The following TYR variants were observed in gnomAD, a reference collection of about 807,000 sequenced individuals.
The protein encoded by TYR is tyrosinase.
TYR carries 58 observed loss-of-function variants against 51.5 expected under a neutral mutation model. That is an observed-to-expected ratio of 1.13 (90% CI 0.91 to 1.40). The LOEUF (loss-of-function observed/expected upper bound fraction) is 1.40, where lower values mean the gene tolerates loss of function less well. Among genes scored for constraint, TYR ranks in the 40% most tolerant of loss-of-function variants. TYR has a pLI of 0.00. For synonymous variants in TYR, 263 were observed against 235.2 expected, an observed-to-expected ratio of 1.12 and a Z score of -1.08; for missense variants, 732 against 647.4, an observed-to-expected ratio of 1.13 and a Z score of -1.42.
At chr11:89,275,060 G>C (rs1008432022) in intron 3 of TYR, among the ~76,000 whole-genome samples, 2 of 151,758 alleles carry the variant, frequency 1.3e-5, no homozygotes, top group African/African-American at 4.8e-5. Flanking sequence ...ACCCTACTAA[G>C]CCAGTGATGG....
At chr11:89,220,877 A>G (rs1230344984) in intron 2 of TYR, among the ~76,000 whole-genome samples, 1 of 152,244 alleles carries the variant, frequency 6.6e-6, no homozygotes, top group East Asian at 1.9e-4. Context: ...TAGAAGGTGT[A>G]GTAATAGCAG....
chr11:89,293,593 A>G (rs1322246157), intron 4 of TYR, among the ~76,000 whole-genome samples: 1 of 152,178 alleles, frequency 6.6e-6, no homozygotes, highest in East Asian at 1.9e-4. Flanking sequence ...TTGATGAAAA[A>G]AAAACACACA....
intron 2 of TYR, among the ~76,000 whole-genome samples, chr11:89,210,386 TAAA>T (rs1943737599): frequency 2.3e-5 from 1 of 43,078 alleles, no homozygotes; most frequent in South Asian, 4.1e-4. Flanking sequence ...ATTAATGAAA[TAAA>T]GTAAGAAATA....
intron 2 of TYR, among the ~76,000 whole-genome samples, chr11:89,211,683 A>G (rs563030388): frequency 2.0e-5 from 3 of 152,304 alleles, no homozygotes; most frequent in South Asian, 4.1e-4. Context: ...TGTAAAATTG[A>G]CCACATAATT....
chr11:89,187,095 T>A (rs111774241), intron 1 of TYR, among the ~76,000 whole-genome samples: 1 of 152,096 alleles, frequency 6.6e-6, no homozygotes, highest in Non-Finnish European at 1.5e-5. Flanking sequence ...CTCAAACAAG[T>A]CTTAGCATGG....
intron 3 of TYR, among the ~76,000 whole-genome samples, chr11:89,252,534 A>G (rs1944342379): frequency 6.6e-6 from 1 of 151,854 alleles, no homozygotes; most frequent in Non-Finnish European, 1.5e-5. Flanking sequence ...AATCCACTAC[A>G]AGTCAAAGGA....
At chr11:89,255,061 A>C (rs1224911663) in intron 3 of TYR, among the ~76,000 whole-genome samples, 1 of 151,764 alleles carries the variant, frequency 6.6e-6, no homozygotes, top group East Asian at 1.9e-4. Context: ...TCTTCATTTC[A>C]TTGTTGATAC....
chr11:89,283,203 A>G (rs1236998875), intron 3 of TYR, among the ~76,000 whole-genome samples: 1 of 151,802 alleles, frequency 6.6e-6, no homozygotes, highest in African/African-American at 2.4e-5. Context: ...TTATCAGTGG[A>G]CTGCCAATTC....
intron 3 of TYR, among the ~76,000 whole-genome samples, chr11:89,248,386 C>T (rs556194926): frequency 6.6e-6 from 1 of 152,036 alleles, no homozygotes; most frequent in Admixed American, 6.6e-5. Flanking sequence ...GATAGGCTAC[C>T]TATAGCTGGC....
intron 3 of TYR, among the ~76,000 whole-genome samples, chr11:89,251,765 G>A (rs1335392530): frequency 6.6e-6 from 1 of 151,886 alleles, no homozygotes; most frequent in East Asian, 1.9e-4. Context: ...ACCAAACCAG[G>A]AATCAATTGC....
At chr11:89,252,977 A>C (rs1944347814) in intron 3 of TYR, among the ~76,000 whole-genome samples, 1 of 151,822 alleles carries the variant, frequency 6.6e-6, no homozygotes, top group South Asian at 2.1e-4. Flanking sequence ...GGTAAATTGA[A>C]TCACAATCTG....
Position 89,191,361 on chromosome 11 carries a change from T to G in TYR, c.979T>G (p.Tyr327Asp). ...AGAATTTTGCCTGAGTTTGACCCAA[T>G]ATGAATCTGGTTCCATGGATAAAGC... ...DVEFCLSLTQ[Y>D]ESGSMDKAAN... is the part of the protein sequence containing the mutation. Residue 327 changes from tyrosine (Y) to aspartate (D), a missense_variant, in exon 2 of 5, where the codon TAT becomes GAT. By Grantham distance (160) the Tyr-to-Asp change is radical. Transcript: ENST00000263321. 1 of 1,613,758 alleles carries G rather than the reference T, an allele frequency of 6.2e-7. No homozygotes were observed. Among genetic ancestry groups the G allele is most frequent in the Non-Finnish European group, 8.5e-7 (1 of 1,179,792 alleles).
At chr11:89,180,809 C>T (rs1007373792) in intron 1 of TYR, among the ~76,000 whole-genome samples, 1 of 152,134 alleles carries the variant, frequency 6.6e-6, no homozygotes, top group African/African-American at 2.4e-5. Flanking sequence ...GACAGTCAAA[C>T]CCCACTCACA....
intron 2 of TYR, among the ~76,000 whole-genome samples, chr11:89,198,734 T>C (rs957903586): frequency 1.3e-5 from 2 of 150,598 alleles, no homozygotes; most frequent in Non-Finnish European, 1.5e-5. Flanking sequence ...CTCATTTTAC[T>C]CAAAAGGTAA....
chr11:89,250,346 G>A (rs547457502), intron 3 of TYR, among the ~76,000 whole-genome samples: 1,776 of 151,584 alleles, frequency 0.012, 34 homozygotes, highest in African/African-American at 0.041. Flanking sequence ...TAAATAATTC[G>A]CCCAAAGTTT....
At chr11:89,262,902 G>A (rs1428614079) in intron 3 of TYR, among the ~76,000 whole-genome samples, 3 of 127,976 alleles carry the variant, frequency 2.3e-5, no homozygotes, top group African/African-American at 9.2e-5. Context: ...GAAAATCTCA[G>A]GACAAGATAG....
intron 2 of TYR, among the ~76,000 whole-genome samples, chr11:89,198,165 A>C (rs1184649578): frequency 1.3e-5 from 2 of 152,252 alleles, no homozygotes; most frequent in African/African-American, 4.8e-5. Context: ...CTCCATAGGT[A>C]ATCTAGTTTT....
intron 3 of TYR, among the ~76,000 whole-genome samples, chr11:89,234,180 C>A (rs765305252): frequency 1.4e-5 from 2 of 143,656 alleles, no homozygotes; most frequent in African/African-American, 2.7e-5. Context: ...ATGAAGACTT[C>A]TCTTTCCTTA....
chr11:89,239,630 G>C (rs968597180), intron 3 of TYR, among the ~76,000 whole-genome samples: 1 of 151,798 alleles, frequency 6.6e-6, no homozygotes, highest in Non-Finnish European at 1.5e-5. Context: ...TTGAAGTACA[G>C]CATTGGATTA....
Sources: allele counts gnomAD v4.1 joint callset (sites outside exome capture counted in the v4.1 genomes callset), GRCh38; gene constraint gnomAD v4.1.1; transcripts MANE v1.5; gene names NCBI Gene and HGNC (gene_info 2026-07-23, HGNC 2026-07-21).